Variants in AMHR2 observed in about 807,000 individuals in gnomAD.
The protein encoded by AMHR2 is anti-Muellerian hormone type-2 receptor.
In AMHR2, 36 loss-of-function variants were observed where a neutral mutation model predicts 61.4. That is an observed-to-expected ratio of 0.59 (90% CI 0.45 to 0.77). The LOEUF is 0.77. AMHR2 is among the 30% of genes least tolerant of loss of function. AMHR2 has a pLI of 0.00. For missense variants in AMHR2, 638 were observed against 714.6 expected, an observed-to-expected ratio of 0.89 and a Z score of 1.22; for synonymous variants, 258 against 279.4, an observed-to-expected ratio of 0.92 and a Z score of 0.76.
chr12:53,424,977 C>T, intron 3 of AMHR2, 77 bp downstream of exon 3: 1 of 1,556,792 alleles, frequency 6.4e-7, no homozygotes, highest in African/African-American at 1.4e-5. Flanking sequence ...AGGGCCAGTT[C>T]TCACCCTACT....
At position 53,431,576 on chromosome 12, in the gene AMHR2, T is replaced by C; in HGVS notation, c.*103T>C. Reference sequence around the variant, plus strand: ...CTGCATTTCCCACCTGCCGAATCCTTGGATTCTTCTGCGGGCATCCAGTCC... The same window carrying C: ...CTGCATTTCCCACCTGCCGAATCCTCGGATTCTTCTGCGGGCATCCAGTCC... On this transcript the variant is annotated 3_prime_UTR_variant, in exon 11 of 11. Transcript: ENST00000257863. The C allele has an allele frequency of 6.8e-7, 1 of 1,460,522 alleles. No individual in the cohort carries two copies. The highest frequency in any genetic ancestry group is 9.5e-7 in the Non-Finnish European group (1 of 1,053,792). 90.5% of individuals were successfully genotyped at this position (1,460,522 alleles called of 1,614,324 possible). A position where few individuals can be genotyped will look rare whatever the true frequency, so the allele number is the denominator to read the frequency against.
chr12:53,429,694 T>A (rs1939942855), intron 8 of AMHR2, 69 bp downstream of exon 8: 1 of 1,602,688 alleles, frequency 6.2e-7, no homozygotes, highest in Non-Finnish European at 8.5e-7. Flanking sequence ...GCAGCCATTG[T>A]GTGTCAACAG....
Position 53,430,126 on chromosome 12 carries a change from G to A in AMHR2, c.1289-20G>A, listed in dbSNP as rs749211057. The stretch of plus-strand genomic sequence containing the variant: ...CACCCCTAGGACTAACTGATACCCA[G>A]CCCCTCTACCTTCCTCCAGACAGCA... On this transcript the variant is annotated intron_variant, in intron 9 of 10. Transcript: ENST00000257863. 1 of 1,614,130 alleles carries A rather than the reference G, an allele frequency of 6.2e-7. No homozygotes were observed. Among genetic ancestry groups the A allele is most frequent in the South Asian group, 1.1e-5 (1 of 91,084 alleles).
rs765025403 is a variant in AMHR2, at chr12:53,431,393, C to T, written c.1642C>T (p.Arg548Trp). The change falls in exon 11 of 11, where the codon CGG (arginine) becomes TGG (tryptophan). Residue 548 changes from arginine to tryptophan, a missense_variant. Arg to Trp is a moderately radical substitution (Grantham distance 101). Coordinates refer to ENST00000257863, the MANE Select transcript of AMHR2 (RefSeq NM_020547.3). ...APTILPCRPQRSACHFSVQQG... is the reference protein window; with the variant it reads ...APTILPCRPQWSACHFSVQQG... ...TACCATCCTCCCCTGTAGGCCTCAG[C>T]GGAGTGCCTGCCACTTCAGCGTTCA... 20 of 1,614,100 alleles carry T rather than the reference C, an allele frequency of 1.2e-5. No homozygotes were observed. Among genetic ancestry groups the T allele is most frequent in the Admixed American group, 3.3e-5 (2 of 60,006 alleles).
chr12:53,428,586 C>T (rs533671537), intron 6 of AMHR2, among the ~76,000 whole-genome samples: 1 of 152,294 alleles, frequency 6.6e-6, no homozygotes, highest in South Asian at 2.1e-4. Flanking sequence ...TAAGGAAAAG[C>T]TCTTCATCTG....
chr12:53,427,018 T>C (rs1457974692), intron 6 of AMHR2, among the ~76,000 whole-genome samples: 1 of 151,932 alleles, frequency 6.6e-6, no homozygotes, highest in African/African-American at 2.4e-5. Context: ...AAGAAATATC[T>C]TCAGGCACAG....
rs1160955760 is a variant in AMHR2 at position 53,428,961 on chromosome 12, G to C, written c.918G>C (p.Leu306=). Residue 306 remains leucine, a synonymous_variant, in exon 7 of 11, where the codon CTG becomes CTC. Transcript: ENST00000257863. Reference sequence around the variant, plus strand: ...GGGGAAGTTCCCTGCGGATGGCACTGTCCCTGGCCCAGGGCCTGGCATTTC... The same window carrying C: ...GGGGAAGTTCCCTGCGGATGGCACTCTCCCTGGCCCAGGGCCTGGCATTTC... ...SDWGSSLRMA[L]SLAQGLAFLH... 1 of 1,551,624 alleles carries C rather than the reference G, an allele frequency of 6.4e-7. No homozygotes were observed. Among genetic ancestry groups the C allele is most frequent in the South Asian group, 1.2e-5 (1 of 84,060 alleles).
At chr12:53,427,954 C>T (rs990817299) in intron 6 of AMHR2, among the ~76,000 whole-genome samples, 2 of 152,202 alleles carry the variant, frequency 1.3e-5, no homozygotes, top group Admixed American at 6.6e-5. Context: ...CAACCTCCAC[C>T]ACCTGTTTCA....
rs757385870 is a variant in AMHR2 at position 53,430,268 on chromosome 12, C to T, written c.1411C>T (p.Arg471Cys). 25 of 1,614,066 alleles carry T rather than the reference C, an allele frequency of 1.5e-5. No individual in the cohort carries two copies. The highest frequency in any genetic ancestry group is 3.3e-5 in the Admixed American group (2 of 59,994). Reference sequence around the variant, plus strand: ...GCGTCCCTACATCCCATCCACCTGGCGCTGCTTTGCCACAGTAAGAGGCCT... The same window carrying T: ...GCGTCCCTACATCCCATCCACCTGGTGCTGCTTTGCCACAGTAAGAGGCCT... ...RRRPYIPSTW[R>C]CFATDPDGLR... is the part of the protein sequence containing the mutation. Residue 471 changes from arginine (R) to cysteine (C), a missense_variant, in exon 10 of 11, where the codon CGC (arginine) becomes TGC (cysteine). Transcript: ENST00000257863.
In AMHR2 at chr12:53,425,545, A is replaced by C. The variant is rs1309222642; in HGVS notation, c.593A>C (p.Gln198Pro). ...GGCAGGGACTGGAGTGTGGAGCTGCAGGAGCTGCCTGAGCTGTGTTTCTCC... is the reference window on the plus strand; with the variant it reads ...GGCAGGGACTGGAGTGTGGAGCTGCCGGAGCTGCCTGAGCTGTGTTTCTCC... ...DSGRDWSVEL[Q>P]ELPELCFSQV... Residue 198 changes from glutamine to proline, a missense_variant, in exon 5 of 11, where the codon CAG becomes CCG. Gln to Pro is a moderately conservative substitution (Grantham distance 76, BLOSUM62 -1). Transcript: ENST00000257863. 1 of 1,613,920 alleles carries C rather than the reference A, an allele frequency of 6.2e-7. No individual in the cohort carries two copies. The highest frequency in any genetic ancestry group is 8.5e-7 in the Non-Finnish European group (1 of 1,180,040).
chr12:53,425,020 G>A (rs1939428399), intron 3 of AMHR2, 120 bp downstream of exon 3: 1 of 1,566,354 alleles, frequency 6.4e-7, no homozygotes, highest in Non-Finnish European at 8.7e-7. Flanking sequence ...CTGGCCTTGG[G>A]AAGTTGGTTG....
intron 1 of AMHR2, 148 bp downstream of exon 1, chr12:53,424,131 C>A: frequency 1.5e-6 from 2 of 1,314,848 alleles, no homozygotes. Flanking sequence ...CATGGCAGGG[C>A]TCAGGTTCCA....
At chr12:53,430,631 C>T (rs906103183) in intron 10 of AMHR2, 3 of 435,686 alleles carry the variant, frequency 6.9e-6, no homozygotes, top group Admixed American at 3.5e-5. Context: ...GCCCCATCTG[C>T]TCTCCTAATA....
chr12:53,431,151 C>A (rs774979909), intron 10 of AMHR2, 26 bp from the exon 11 acceptor site: 5 of 1,613,056 alleles, frequency 3.1e-6, no homozygotes, highest in Non-Finnish European at 3.4e-6. Flanking sequence ...CTAGGGTCAA[C>A]CCTTCCTCCC....
chr12:53,425,605 G>A, intron 5 of AMHR2, 32 bp downstream of exon 5: 1 of 1,612,550 alleles, frequency 6.2e-7, no homozygotes, highest in Non-Finnish European at 8.5e-7. Flanking sequence ...GGGCTCCTCT[G>A]GGCACTCCTG....
chr12:53,431,195 G>T lies in AMHR2; in HGVS notation c.1444G>T (p.Glu482Ter). 1 of 1,614,194 alleles carries T rather than the reference G, an allele frequency of 6.2e-7. No homozygotes were observed. Among genetic ancestry groups the T allele is most frequent in the Non-Finnish European group, 8.5e-7 (1 of 1,180,040 alleles). ...CFATDPDGLR[E>*]LLEDCWDADP... ...CCCCCAGGACCCTGATGGGCTGAGG[G>T]AGCTCCTAGAAGACTGTTGGGATGC... Residue 482 changes from glutamate to a stop codon, truncating the protein, a stop_gained, in exon 11 of 11, where the codon GAG becomes TAG. Coordinates refer to ENST00000257863, the MANE Select transcript of AMHR2 (RefSeq NM_020547.3). LOFTEE classifies it low-confidence loss of function (END_TRUNC).
intron 2 of AMHR2, 101 bp downstream of exon 2, chr12:53,424,571 T>C: frequency 1.0e-5 from 16 of 1,554,234 alleles, no homozygotes; most frequent in Non-Finnish European, 1.4e-5. Context: ...ATAGAACATC[T>C]GGTGGGAAAG....
chr12:53,426,049 G>T, intron 6 of AMHR2, 130 bp downstream of exon 6: 1 of 1,037,178 alleles, frequency 9.6e-7, no homozygotes, highest in Non-Finnish European at 1.4e-6. Flanking sequence ...CATTAAAAAT[G>T]GCCAGGCGAG....
chr12:53,423,942 G>T lies in AMHR2; in HGVS notation c.8G>T (p.Gly3Val), dbSNP rs764414928. The stretch of plus-strand genomic sequence containing the variant: ...CTGCCATCCTCCAGCAAGATGCTAG[G>T]GTCTTTGGGGCTTTGGGCATTACTT... ML[G>V]SLGLWALLPT... Residue 3 changes from glycine (G) to valine (V), a missense_variant, in exon 1 of 11, where the codon GGG becomes GTG. Gly to Val is a moderately radical substitution (Grantham distance 109). Coordinates refer to ENST00000257863, the MANE Select transcript of AMHR2 (RefSeq NM_020547.3). 6.8e-6 allele frequency: 11 copies of T among 1,614,080 alleles called. No homozygotes were observed. The highest frequency in any genetic ancestry group is 1.3e-5 in the African/African-American group (1 of 74,934).
Sources: allele counts gnomAD v4.1 joint callset (sites outside exome capture counted in the v4.1 genomes callset), GRCh38; gene constraint gnomAD v4.1.1; transcripts MANE v1.5; gene names NCBI Gene and HGNC (gene_info 2026-07-23, HGNC 2026-07-21).